The following AFG2A variants were observed in gnomAD, a reference collection of about 807,000 sequenced individuals.
The protein encoded by AFG2A is ATPase family gene 2 protein homolog A.
the AFG2A span, among the ~76,000 whole-genome samples, chr4:123,075,765 C>A: frequency 2.0e-5 from 3 of 150,708 alleles, no homozygotes; most frequent in African/African-American, 7.3e-5. Context: ...TGAGACCAGC[C>A]GGACCAACAT....
At chr4:123,261,150 G>A in the AFG2A span, among the ~76,000 whole-genome samples, 1 of 152,056 alleles carries the variant, frequency 6.6e-6, no homozygotes, top group African/African-American at 2.4e-5. Context: ...AAAAATGTTG[G>A]GGACTGCTGC....
At chr4:123,119,858 G>C in the AFG2A span, among the ~76,000 whole-genome samples, 2 of 152,118 alleles carry the variant, frequency 1.3e-5, no homozygotes, top group Admixed American at 6.5e-5. Context: ...GGCTGAGCAG[G>C]CCTAAGGAAA....
At chr4:123,012,714 G>A in the AFG2A span, among the ~76,000 whole-genome samples, 8 of 152,188 alleles carry the variant, frequency 5.3e-5, no homozygotes, top group South Asian at 4.2e-4. Context: ...AGACAAGGGC[G>A]AGACTGAAGT....
chr4:123,297,487 C>T, the AFG2A span, among the ~76,000 whole-genome samples: 3 of 152,040 alleles, frequency 2.0e-5, no homozygotes, highest in Admixed American at 6.6e-5. Context: ...TTTGGGAGGC[C>T]GAGGCTGGCA....
the AFG2A span, among the ~76,000 whole-genome samples, chr4:123,309,241 A>C: frequency 3.9e-5 from 6 of 152,280 alleles, no homozygotes; most frequent in Admixed American, 3.3e-4. Flanking sequence ...GGACTGGGCA[A>C]TTTTTAAATA....
chr4:122,951,433 T>TACACACACACAC, the AFG2A span, among the ~76,000 whole-genome samples: 615 of 148,598 alleles, frequency 4.1e-3, 6 homozygotes, highest in African/African-American at 0.013. Context: ...TTTTCCAAAG[T>TACACACACACAC]ACACACACAC....
chr4:123,060,577 G>T, the AFG2A span, among the ~76,000 whole-genome samples: 1 of 152,186 alleles, frequency 6.6e-6, no homozygotes, highest in African/African-American at 2.4e-5. Context: ...GCCTGGAGCG[G>T]CTGGGATGCA....
the AFG2A span, among the ~76,000 whole-genome samples, chr4:123,111,141 G>A: frequency 6.6e-6 from 1 of 152,050 alleles, no homozygotes. Flanking sequence ...TGAAGCCATT[G>A]CTTCTAATTT....
the AFG2A span, among the ~76,000 whole-genome samples, chr4:122,987,821 C>T: frequency 6.6e-6 from 1 of 151,996 alleles, no homozygotes; most frequent in Non-Finnish European, 1.5e-5. Flanking sequence ...TTAACTTTTA[C>T]ACTTGTAGCT....
chr4:123,158,666 GA>G, the AFG2A span, among the ~76,000 whole-genome samples: 5 of 151,780 alleles, frequency 3.3e-5, no homozygotes, highest in South Asian at 4.2e-4. Flanking sequence ...CTAGTCTATG[GA>G]AAAAAAATAC....
At chr4:122,962,952 T>C in the AFG2A span, among the ~76,000 whole-genome samples, 1 of 152,228 alleles carries the variant, frequency 6.6e-6, no homozygotes, top group Admixed American at 6.5e-5. Flanking sequence ...ATTGTCTAAC[T>C]TGGAAGACTT....
At chr4:123,203,725 A>T in the AFG2A span, among the ~76,000 whole-genome samples, 1 of 152,224 alleles carries the variant, frequency 6.6e-6, no homozygotes, top group African/African-American at 2.4e-5. Flanking sequence ...ACAAACTTTT[A>T]TGTGAACATA....
At chr4:123,189,006 T>C in the AFG2A span, among the ~76,000 whole-genome samples, 1 of 152,226 alleles carries the variant, frequency 6.6e-6, no homozygotes, top group African/African-American at 2.4e-5. Context: ...AAATATAGTA[T>C]TTGGACATTA....
At chr4:123,202,043 A>G in the AFG2A span, among the ~76,000 whole-genome samples, 1 of 152,242 alleles carries the variant, frequency 6.6e-6, no homozygotes, top group East Asian at 1.9e-4. Flanking sequence ...AATGCCTTTT[A>G]TGGAAAGAAG....
the AFG2A span, among the ~76,000 whole-genome samples, chr4:123,278,127 G>C: frequency 6.6e-6 from 1 of 152,012 alleles, no homozygotes; most frequent in Non-Finnish European, 1.5e-5. Context: ...TTTTATTACT[G>C]CTTCAGTTTT....
At chr4:123,159,566 G>A in the AFG2A span, among the ~76,000 whole-genome samples, 4 of 152,174 alleles carry the variant, frequency 2.6e-5, no homozygotes, top group Non-Finnish European at 4.4e-5. Flanking sequence ...ACAGTAAGTC[G>A]TTGGTTAGGA....
the AFG2A span, among the ~76,000 whole-genome samples, chr4:123,127,873 A>G: frequency 0.012 from 1,858 of 152,242 alleles, 50 homozygotes; most frequent in African/African-American, 0.042. Flanking sequence ...CTGGCTGCAA[A>G]CAACTAGTGA....
At chr4:123,134,648 A>G in the AFG2A span, among the ~76,000 whole-genome samples, 55 of 136,604 alleles carry the variant, frequency 4.0e-4, no homozygotes, top group East Asian at 7.5e-3. Context: ...GAACAATTAT[A>G]TGTCAACAAA....
the AFG2A span, among the ~76,000 whole-genome samples, chr4:123,092,564 A>G: frequency 6.6e-6 from 1 of 151,870 alleles, no homozygotes; most frequent in East Asian, 1.9e-4. Flanking sequence ...GTAACAAATT[A>G]CCACAAATTT....
Sources: gnomAD v4.1 joint callset for allele counts (sites outside exome capture counted in the v4.1 genomes callset) on GRCh38, gnomAD v4.1.1 for gene constraint, MANE v1.5 for transcripts, NCBI Gene and HGNC (gene_info 2026-07-23, HGNC 2026-07-21) for gene names.